The following SYNPR variants were observed in gnomAD, a reference collection of about 807,000 sequenced individuals.
SYNPR encodes synaptoporin.
Under a neutral mutation model 32.9 loss-of-function variants are expected in SYNPR, and 23 were observed. The ratio of observed to expected loss-of-function variants is 0.70; its 90% CI spans 0.50 to 0.99. The LOEUF is 0.99. Among genes scored for constraint, SYNPR ranks in the 50% least tolerant of loss-of-function variants. The pLI is 0.00. For synonymous variants in SYNPR, 146 were observed against 135.9 expected, an observed-to-expected ratio of 1.07 and a Z score of -0.52; for missense variants, 318 against 349.3, an observed-to-expected ratio of 0.91 and a Z score of 0.71.
At position 63,570,457 on chromosome 3, in the gene SYNPR, C is replaced by T. The variant is rs536733184; in HGVS notation, c.408+13716C>T. On this transcript the variant is annotated intron_variant, in intron 4 of 5. Transcript: ENST00000478300. ...GCTATCTCCCGTCATCCCCGGTATT[C>T]CATGTTTTAGTCAAACTGTACAATT... Among the ~76,000 whole-genome samples the T allele has an allele frequency of 4.9e-4, 74 of 152,296 alleles. 1 individual carries two copies. The highest frequency in any genetic ancestry group is 3.7e-3 in the South Asian group (18 of 4,826).
At chr3:63,388,653 T>A (rs2088089919) in intron 2 of SYNPR, among the ~76,000 whole-genome samples, 1 of 151,280 alleles carries the variant, frequency 6.6e-6, no homozygotes, top group Non-Finnish European at 1.5e-5. Flanking sequence ...ATCTTCTGAC[T>A]TCATGATCCA....
intron 2 of SYNPR, among the ~76,000 whole-genome samples, chr3:63,468,271 A>T (rs1220978672): frequency 2.0e-5 from 3 of 151,814 alleles, no homozygotes; most frequent in Admixed American, 2.0e-4. Context: ...CAGTGTAGAG[A>T]TGCAACTTGC....
chr3:63,557,818 A>C (rs894086909), intron 4 of SYNPR, among the ~76,000 whole-genome samples: 3 of 152,230 alleles, frequency 2.0e-5, no homozygotes, highest in African/African-American at 7.2e-5. Flanking sequence ...AATGAAATTT[A>C]TGCTGAATCA....
intron 2 of SYNPR, among the ~76,000 whole-genome samples, chr3:63,341,653 C>A (rs2087372128): frequency 6.6e-6 from 1 of 152,074 alleles, no homozygotes; most frequent in Non-Finnish European, 1.5e-5. Flanking sequence ...TGTATAATTT[C>A]TTTAGTGAAA....
chr3:63,278,119 C>A (rs141119045), upstream of SYNPR: 32 of 163,878 alleles, frequency 2.0e-4, 1 homozygote, highest in Non-Finnish European at 7.9e-5. Flanking sequence ...AACCAACAGA[C>A]CCAAAGTTTC....
In SYNPR at chr3:63,600,714, C is replaced by A. The variant is rs185230745; in HGVS notation, c.409-8411C>A. Among the ~76,000 whole-genome samples the A allele has an allele frequency of 2.8e-4, 42 of 152,262 alleles. 1 individual carries two copies. Among genetic ancestry groups the A allele is most frequent in the African/African-American group, 9.6e-4 (40 of 41,566 alleles). On this transcript the variant is annotated intron_variant, in intron 4 of 5. Coordinates refer to ENST00000478300, the MANE Select transcript of SYNPR (RefSeq NM_001130003.2). ...TTTCCCCTGCTTTCACTTCTCCTTC[C>A]TACTGCCTTGTGAAGAAGATGCCTT...
intron 2 of SYNPR, among the ~76,000 whole-genome samples, chr3:63,315,736 C>G (rs2087033487): frequency 6.6e-6 from 1 of 151,914 alleles, no homozygotes; most frequent in Non-Finnish European, 1.5e-5. Context: ...TTATTTCTTT[C>G]TCTTGTCTGA....
chr3:63,448,206 G>A (rs1322615112), intron 2 of SYNPR, among the ~76,000 whole-genome samples: 2 of 152,054 alleles, frequency 1.3e-5, no homozygotes, highest in African/African-American at 4.8e-5. Flanking sequence ...GTTTCACCAT[G>A]TTGGCCAGGC....
At chr3:63,463,635 A>T (rs917390635) in intron 2 of SYNPR, among the ~76,000 whole-genome samples, 1 of 152,114 alleles carries the variant, frequency 6.6e-6, no homozygotes, top group Admixed American at 6.6e-5. Flanking sequence ...ATCTGAATCC[A>T]CCATGTCCGC....
intron 2 of SYNPR, among the ~76,000 whole-genome samples, chr3:63,382,890 A>T (rs2087990224): frequency 1.3e-5 from 2 of 152,140 alleles, no homozygotes; most frequent in South Asian, 4.1e-4. Context: ...TGTTTTAAAG[A>T]ATTTCCAACA....
intron 2 of SYNPR, among the ~76,000 whole-genome samples, chr3:63,451,402 T>C (rs1041461249): frequency 2.6e-5 from 4 of 152,186 alleles, no homozygotes; most frequent in Non-Finnish European, 5.9e-5. Context: ...GGGAGATTTA[T>C]GCCTTATTAT....
intron 5 of SYNPR, among the ~76,000 whole-genome samples, chr3:63,613,046 C>T (rs1700224465): frequency 6.6e-6 from 1 of 151,238 alleles, no homozygotes; most frequent in Non-Finnish European, 1.5e-5. Context: ...AATCATAGCT[C>T]ACTATAACCT....
At chr3:63,379,476 TG>T (rs139988778) in intron 2 of SYNPR, among the ~76,000 whole-genome samples, 6,552 of 152,244 alleles carry the variant, frequency 0.043, 396 homozygotes, top group African/African-American at 0.14. Flanking sequence ...TACTGGTTTT[TG>T]CTTCAACTGG....
intron 4 of SYNPR, among the ~76,000 whole-genome samples, chr3:63,583,806 T>C (rs1703134564): frequency 6.6e-6 from 1 of 152,142 alleles, no homozygotes; most frequent in Non-Finnish European, 1.5e-5. Flanking sequence ...CCTTTTCCCA[T>C]AGGTGTGAGT....
intron 2 of SYNPR, among the ~76,000 whole-genome samples, chr3:63,422,376 A>G (rs963491095): frequency 6.6e-6 from 1 of 152,178 alleles, no homozygotes; most frequent in Non-Finnish European, 1.5e-5. Context: ...AAAAAATACT[A>G]TTTTAAGAAC....
intron 2 of SYNPR, among the ~76,000 whole-genome samples, chr3:63,318,396 T>C (rs1282036347): frequency 6.6e-6 from 1 of 152,006 alleles, no homozygotes; most frequent in African/African-American, 2.4e-5. Context: ...CTGATAATTC[T>C]TAGGTTTGGT....
intron 2 of SYNPR, among the ~76,000 whole-genome samples, chr3:63,355,431 G>A (rs1052727358): frequency 3.3e-5 from 5 of 152,016 alleles, no homozygotes; most frequent in Admixed American, 1.3e-4. Flanking sequence ...CCAGAGCTAG[G>A]GTAAGTGCCA....
chr3:63,242,364 G>A (rs909351257), intron 1 of SYNPR, among the ~76,000 whole-genome samples: 3 of 152,008 alleles, frequency 2.0e-5, no homozygotes, highest in Non-Finnish European at 4.4e-5. Context: ...TGAGATACTT[G>A]CAACAAACCA....
At chr3:63,529,501 G>C (rs1194572428) in intron 3 of SYNPR, among the ~76,000 whole-genome samples, 3 of 152,238 alleles carry the variant, frequency 2.0e-5, no homozygotes, top group African/African-American at 7.2e-5. Flanking sequence ...AAATCACAGA[G>C]ATTCTGTGGC....
Sources: allele counts gnomAD v4.1 joint callset (sites outside exome capture counted in the v4.1 genomes callset), GRCh38; gene constraint gnomAD v4.1.1; transcripts MANE v1.5; gene names NCBI Gene and HGNC (gene_info 2026-07-23, HGNC 2026-07-21).